The following RNF216 variants were observed in gnomAD, a reference collection of about 807,000 sequenced individuals.
The protein encoded by RNF216 is ring finger protein 216.
In RNF216, 72 loss-of-function variants were observed where a neutral mutation model predicts 110.8. That is an observed-to-expected ratio of 0.65 (90% CI 0.54 to 0.79). The LOEUF is 0.79. Among genes scored for constraint, RNF216 ranks in the 30% least tolerant of loss-of-function variants. The pLI is 0.00. For synonymous variants in RNF216, 495 were observed against 407.5 expected (o/e 1.21, Z -2.59); for missense variants, 1,342 against 1,141.2 (o/e 1.18, Z -2.54).
intron 13 of RNF216, among the ~76,000 whole-genome samples, chr7:5,683,880 A>C (rs992323969): frequency 4.6e-5 from 7 of 152,098 alleles, no homozygotes; most frequent in Non-Finnish European, 1.5e-5. Flanking sequence ...AAAAAGATAA[A>C]CACCACATGA....
chr7:5,672,540 T>G (rs1017087081), intron 13 of RNF216, among the ~76,000 whole-genome samples: 7 of 152,214 alleles, frequency 4.6e-5, no homozygotes, highest in African/African-American at 1.7e-4. Flanking sequence ...GGACTTTGAA[T>G]TGATGTTCTG....
intron 3 of RNF216, among the ~76,000 whole-genome samples, chr7:5,747,010 C>G (rs1795062182): frequency 6.6e-6 from 1 of 152,110 alleles, no homozygotes; most frequent in African/African-American, 2.4e-5. Flanking sequence ...GCAAGATTAC[C>G]TCCCACACCA....
At chr7:5,642,364 C>T (rs1787791410) in intron 14 of RNF216, among the ~76,000 whole-genome samples, 2 of 152,174 alleles carry the variant, frequency 1.3e-5, no homozygotes, top group South Asian at 4.2e-4. Context: ...CAGGCGCCCA[C>T]CACCATGCCC....
intron 15 of RNF216, among the ~76,000 whole-genome samples, chr7:5,628,828 A>T (rs1786881189): frequency 6.6e-6 from 1 of 152,002 alleles, no homozygotes; most frequent in African/African-American, 2.4e-5. Context: ...CAGCTGGAAG[A>T]TTTCTTTCTT....
At chr7:5,736,355 G>A (rs1794398302) in intron 5 of RNF216, among the ~76,000 whole-genome samples, 1 of 152,184 alleles carries the variant, frequency 6.6e-6, no homozygotes, top group African/African-American at 2.4e-5. Context: ...CTCCTAACCG[G>A]GACTGATCTG....
Position 5,758,639 on chromosome 7 carries a change from G to A in RNF216, c.67+2364C>T, listed in dbSNP as rs181957141. The stretch of plus-strand genomic sequence containing the variant: ...ACCTTTAAGATTTAATGACCGCCCT[G>A]CTGGGTTTTGGACTTGTGTGGGACC... On this transcript the variant is annotated intron_variant, in intron 2 of 16. Coordinates refer to ENST00000389902, the MANE Select transcript of RNF216 (RefSeq NM_207111.4). 3.3e-5 allele frequency among the ~76,000 whole-genome samples: 5 copies of A among 152,282 alleles called. 1 individual carries two copies. The East Asian group carries it at 9.6e-4, about 29-fold the overall frequency.
intron 14 of RNF216, among the ~76,000 whole-genome samples, chr7:5,642,032 T>TTAAA (rs1482358444): frequency 2.8e-4 from 28 of 98,448 alleles, no homozygotes; most frequent in African/African-American, 1.1e-3. Context: ...GACTCTATCT[T>TTAAA]AAAAAAAAAA....
At chr7:5,657,989 A>T (rs116900059) in intron 13 of RNF216, among the ~76,000 whole-genome samples, 2,672 of 152,356 alleles carry the variant, frequency 0.018, 35 homozygotes, top group Non-Finnish European at 0.028. Context: ...CTCTACTGAG[A>T]GAGTTACATA....
At chr7:5,649,278 G>C (rs770029020) in intron 14 of RNF216, among the ~76,000 whole-genome samples, 7 of 151,934 alleles carry the variant, frequency 4.6e-5, no homozygotes, top group Non-Finnish European at 8.8e-5. Flanking sequence ...TGTAATCCCA[G>C]CTACTCGGGA....
At chr7:5,765,567 C>A (rs371128240) in intron 1 of RNF216, among the ~76,000 whole-genome samples, 50 of 151,902 alleles carry the variant, frequency 3.3e-4, no homozygotes, top group African/African-American at 1.1e-3. Context: ...GAGTTCGACA[C>A]TGCAGTGTGC....
intron 1 of RNF216, among the ~76,000 whole-genome samples, chr7:5,770,551 A>G (rs765438150): frequency 7.9e-5 from 12 of 152,278 alleles, no homozygotes; most frequent in East Asian, 1.9e-4. Flanking sequence ...TCAATTTTGC[A>G]AAGATGTCCT....
chr7:5,681,615 T>C (rs1790655952), intron 13 of RNF216, among the ~76,000 whole-genome samples: 1 of 152,202 alleles, frequency 6.6e-6, no homozygotes, highest in Non-Finnish European at 1.5e-5. Flanking sequence ...CTTTCAATGT[T>C]GTTCTTGCTT....
At chr7:5,716,907 T>C (rs1373195442) in intron 9 of RNF216, 141 bp from the exon 10 acceptor site, 3 of 559,872 alleles carry the variant, frequency 5.4e-6, no homozygotes, top group Non-Finnish European at 9.2e-6. Flanking sequence ...AGGTTACCTG[T>C]GAATAAATTT....
intron 10 of RNF216, among the ~76,000 whole-genome samples, chr7:5,716,181 G>A (rs116051838): frequency 1.3e-5 from 2 of 152,058 alleles, no homozygotes; most frequent in Non-Finnish European, 2.9e-5. Flanking sequence ...CACGAGCCAC[G>A]GTGCCCGGCC....
intron 13 of RNF216, among the ~76,000 whole-genome samples, chr7:5,697,412 CAT>C (rs1482941333): frequency 3.3e-5 from 5 of 152,236 alleles, no homozygotes; most frequent in Admixed American, 3.3e-4. Flanking sequence ...AATCAGCCCA[CAT>C]GTCTCCATAT....
intron 13 of RNF216, among the ~76,000 whole-genome samples, chr7:5,669,788 A>G (rs1789778209): frequency 6.6e-6 from 1 of 152,180 alleles, no homozygotes; most frequent in Non-Finnish European, 1.5e-5. Context: ...GCTACTCGGG[A>G]GGCCGAGGTA....
Position 5,761,136 on chromosome 7 carries a change from G to C in RNF216, c.-67C>G, listed in dbSNP as rs1795911678. On this transcript the variant is annotated splice_region_variant and 5_prime_UTR_variant, in exon 2 of 17. Transcript: ENST00000389902. Reference sequence around the variant, plus strand: ...AACATGGTGACCATCTGTTTCAAAAGAACTGAAAAGGAAGCAAAGAGTAAC... The same window carrying C: ...AACATGGTGACCATCTGTTTCAAAACAACTGAAAAGGAAGCAAAGAGTAAC... The C allele has an allele frequency of 9.9e-7, 1 of 1,013,860 alleles. No individual in the cohort carries two copies. The highest frequency in any genetic ancestry group is 1.7e-5 in the African/African-American group (1 of 58,914). 62.8% of individuals were successfully genotyped at this position (1,013,860 alleles called of 1,614,324 possible).
intron 13 of RNF216, among the ~76,000 whole-genome samples, chr7:5,672,766 G>A (rs1790002857): frequency 6.6e-6 from 1 of 152,122 alleles, no homozygotes; most frequent in African/African-American, 2.4e-5. Flanking sequence ...GCAGCGCAAG[G>A]TAGAGGATGG....
chr7:5,678,691 G>A (rs1307007816), intron 13 of RNF216, among the ~76,000 whole-genome samples: 1 of 152,216 alleles, frequency 6.6e-6, no homozygotes, highest in African/African-American at 2.4e-5. Context: ...TGCCTCCTGG[G>A]CCTGCTACCC....
Sources: allele counts gnomAD v4.1 joint callset (sites outside exome capture counted in the v4.1 genomes callset), GRCh38; gene constraint gnomAD v4.1.1; transcripts MANE v1.5; gene names NCBI Gene and HGNC (gene_info 2026-07-23, HGNC 2026-07-21).